The following TMEM108 variants were observed in gnomAD, a reference collection of about 807,000 sequenced individuals.
The protein encoded by TMEM108 is transmembrane protein 108.
In TMEM108, 12 loss-of-function variants were observed where a neutral mutation model predicts 35.1. The observed-to-expected ratio is 0.34, with a 90% CI of 0.22 to 0.55. The LOEUF (loss-of-function observed/expected upper bound fraction) is 0.55, where lower values mean the gene tolerates loss of function less well. Among genes scored for constraint, TMEM108 ranks in the 20% least tolerant of loss-of-function variants. The probability of loss-of-function intolerance (pLI) is 0.89; values close to 1 mark genes in which losing one functional copy is unlikely to be tolerated. For synonymous variants in TMEM108, 287 were observed against 308.6 expected, an observed-to-expected ratio of 0.93 and a Z score of 0.73; for missense variants, 680 against 753.3, an observed-to-expected ratio of 0.90 and a Z score of 1.14.
At chr3:133,117,069 C>G (rs1256878954) in intron 2 of TMEM108, among the ~76,000 whole-genome samples, 1 of 152,232 alleles carries the variant, frequency 6.6e-6, no homozygotes, top group Non-Finnish European at 1.5e-5. Context: ...CGCACCCGGC[C>G]TGATTTACCT....
chr3:133,199,743 A>G (rs565019875), intron 2 of TMEM108, among the ~76,000 whole-genome samples: 1 of 152,256 alleles, frequency 6.6e-6, no homozygotes, highest in Admixed American at 6.5e-5. Context: ...CAGTCTGTCC[A>G]TTCTCAGATC....
chr3:133,052,880 A>G (rs925386308), intron 2 of TMEM108, among the ~76,000 whole-genome samples: 4 of 152,170 alleles, frequency 2.6e-5, no homozygotes, highest in African/African-American at 7.2e-5. Context: ...ATGTCCCCCT[A>G]CATTTCCAAA....
chr3:133,352,033 G>A (rs910324184), intron 3 of TMEM108, among the ~76,000 whole-genome samples: 1 of 152,108 alleles, frequency 6.6e-6, no homozygotes, highest in African/African-American at 2.4e-5. Context: ...CATCTTAAAA[G>A]CTAATGTTAA....
At chr3:133,315,950 CAT>C (rs1357132638) in intron 3 of TMEM108, among the ~76,000 whole-genome samples, 2 of 152,230 alleles carry the variant, frequency 1.3e-5, no homozygotes, top group Non-Finnish European at 1.5e-5. Flanking sequence ...TTAGCTAGCA[CAT>C]GTCCTCAAAA....
chr3:133,285,371 C>G (rs755674680), intron 3 of TMEM108, among the ~76,000 whole-genome samples: 4 of 152,170 alleles, frequency 2.6e-5, no homozygotes, highest in African/African-American at 4.8e-5. Context: ...TTTATTTTTT[C>G]TGTGGCTGGG....
At chr3:133,201,602 C>T (rs185606539) in intron 2 of TMEM108, among the ~76,000 whole-genome samples, 55 of 152,310 alleles carry the variant, frequency 3.6e-4, no homozygotes, top group African/African-American at 1.3e-3. Context: ...TTTACAGCTT[C>T]AGCCATATCC....
At chr3:133,211,852 C>G (rs1191144669) in intron 2 of TMEM108, among the ~76,000 whole-genome samples, 2 of 152,156 alleles carry the variant, frequency 1.3e-5, no homozygotes, top group African/African-American at 4.8e-5. Context: ...TTTTCCTTAG[C>G]AGGAGATTTA....
At chr3:133,297,550 A>G (rs1251182456) in intron 3 of TMEM108, among the ~76,000 whole-genome samples, 1 of 152,040 alleles carries the variant, frequency 6.6e-6, no homozygotes, top group Admixed American at 6.6e-5. Context: ...GTGGGGGGAG[A>G]CTAAAAATGC....
intron 2 of TMEM108, among the ~76,000 whole-genome samples, chr3:133,098,397 G>T (rs1299600806): frequency 1.3e-5 from 2 of 152,198 alleles, no homozygotes; most frequent in Non-Finnish European, 2.9e-5. Context: ...TTCAAGTTCA[G>T]ATGTGGGTGG....
rs185411739 is a variant in TMEM108, at chr3:133,178,663, G to A, written c.-46-50603G>A. 9.8e-3 allele frequency among the ~76,000 whole-genome samples: 1,486 copies of A among 152,084 alleles called. 43 individuals are homozygous for A. The highest frequency in any genetic ancestry group is 0.091 in the East Asian group (473 of 5,174). On this transcript the variant is annotated intron_variant, in intron 2 of 5. Transcript: ENST00000321871. Reference sequence around the variant, plus strand: ...CACCTTATACAAAAATTAATCCAAGGTGGATTAAAGACTTAAATGTTAGAC... The same window carrying A: ...CACCTTATACAAAAATTAATCCAAGATGGATTAAAGACTTAAATGTTAGAC...
At chr3:133,161,556 A>C (rs549723461) in intron 2 of TMEM108, among the ~76,000 whole-genome samples, 117 of 152,266 alleles carry the variant, frequency 7.7e-4, no homozygotes, top group African/African-American at 2.7e-3. Flanking sequence ...ATAAATGTTA[A>C]CTATTATTAT....
intron 2 of TMEM108, among the ~76,000 whole-genome samples, chr3:133,082,209 A>G (rs559923890): frequency 6.6e-6 from 1 of 152,372 alleles, no homozygotes; most frequent in Non-Finnish European, 1.5e-5. Context: ...CTTGCTGAGC[A>G]AAACCAGGCT....
intron 3 of TMEM108, among the ~76,000 whole-genome samples, chr3:133,352,774 T>G (rs2072042867): frequency 6.6e-6 from 1 of 152,196 alleles, no homozygotes; most frequent in African/African-American, 2.4e-5. Context: ...CTGTTATGTG[T>G]TCAGCAATCC....
At chr3:133,216,314 G>A (rs1282381052) in intron 2 of TMEM108, among the ~76,000 whole-genome samples, 2 of 151,930 alleles carry the variant, frequency 1.3e-5, no homozygotes, top group African/African-American at 2.4e-5. Flanking sequence ...GTTCTATTAG[G>A]CTCACTCTCC....
intron 2 of TMEM108, among the ~76,000 whole-genome samples, chr3:133,157,186 CT>C (rs1944894125): frequency 6.6e-6 from 1 of 152,174 alleles, no homozygotes; most frequent in South Asian, 2.1e-4. Flanking sequence ...CCGTTTTTAA[CT>C]TCAGTTTTCC....
At chr3:133,213,038 ACATGCATT>A in intron 2 of TMEM108, among the ~76,000 whole-genome samples, 1 of 151,422 alleles carries the variant, frequency 6.6e-6, no homozygotes, top group African/African-American at 2.5e-5. Flanking sequence ...CCCTGTGGAC[ACATGCATT>A]CATTTGTGAC....
At chr3:133,133,658 T>C (rs1386312438) in intron 2 of TMEM108, among the ~76,000 whole-genome samples, 1 of 151,960 alleles carries the variant, frequency 6.6e-6, no homozygotes, top group Non-Finnish European at 1.5e-5. Flanking sequence ...TTGTCACAAG[T>C]GGCAGAGTTT....
intron 2 of TMEM108, among the ~76,000 whole-genome samples, chr3:133,152,488 A>C (rs1559849046): frequency 6.6e-6 from 1 of 152,154 alleles, no homozygotes; most frequent in Non-Finnish European, 1.5e-5. Flanking sequence ...AAAACAGGAA[A>C]TCCGTCTTTA....
intron 2 of TMEM108, among the ~76,000 whole-genome samples, chr3:133,205,699 A>G (rs951607289): frequency 6.6e-6 from 1 of 152,168 alleles, no homozygotes; most frequent in Non-Finnish European, 1.5e-5. Flanking sequence ...CTTTGTGGGT[A>G]ACCCGACCTT....
Sources: gnomAD v4.1 joint callset for allele counts (sites outside exome capture counted in the v4.1 genomes callset) on GRCh38, gnomAD v4.1.1 for gene constraint, MANE v1.5 for transcripts, NCBI Gene and HGNC (gene_info 2026-07-23, HGNC 2026-07-21) for gene names.